Variants in COL5A1 observed in about 807,000 individuals in gnomAD.
COL5A1 encodes the protein collagen alpha-1(V) chain.
A neutral mutation model predicts 263.7 loss-of-function variants in COL5A1; 16 were observed. The observed-to-expected ratio is 0.06, with a 90% CI of 0.04 to 0.09. The LOEUF (loss-of-function observed/expected upper bound fraction) is 0.09, where lower values mean the gene tolerates loss of function less well. Ranked by LOEUF, COL5A1 falls within the 10% of genes least tolerant of loss-of-function variation. The pLI, the probability that COL5A1 is intolerant of heterozygous loss-of-function variation, is 1.00. For missense variants in COL5A1, 2,036 were observed against 2,540.5 expected, an observed-to-expected ratio of 0.80 and a Z score of 4.27; for synonymous variants, 1,012 against 1,004.5, an observed-to-expected ratio of 1.01 and a Z score of -0.14.
chr9:134,781,916 T>C (rs1471084308), intron 28 of COL5A1, among the ~76,000 whole-genome samples: 1 of 152,216 alleles, frequency 6.6e-6, no homozygotes, highest in Non-Finnish European at 1.5e-5. Context: ...CCCCAGATCC[T>C]GTCCTTTCAC....
At chr9:134,784,867 G>A (rs1837394968) in intron 29 of COL5A1, 122 bp from the exon 30 acceptor site, 2 of 785,946 alleles carry the variant, frequency 2.5e-6, no homozygotes, top group African/African-American at 1.7e-5. Flanking sequence ...CCGAGCTGGT[G>A]GAGCAGCTCT....
chr9:134,826,329 C>A (rs900602062), intron 63 of COL5A1, among the ~76,000 whole-genome samples: 12 of 152,200 alleles, frequency 7.9e-5, no homozygotes, highest in African/African-American at 2.9e-4. Context: ...TATTATCCAG[C>A]CTGTTTCTGT....
chr9:134,656,702 A>G (rs1278312191), intron 1 of COL5A1, among the ~76,000 whole-genome samples: 1 of 151,932 alleles, frequency 6.6e-6, no homozygotes, highest in Admixed American at 6.5e-5. Context: ...TTCTTATTAG[A>G]GATGGCTGTT....
At chr9:134,720,224 C>T (rs180747411) in intron 4 of COL5A1, among the ~76,000 whole-genome samples, 1 of 152,248 alleles carries the variant, frequency 6.6e-6, no homozygotes, top group Admixed American at 6.5e-5. Context: ...GCTGTGCGTG[C>T]GCGTTGTGAC....
At position 134,756,822 on chromosome 9, in the gene COL5A1, G is replaced by A. The variant is rs756160378; in HGVS notation, c.1881+4G>A. On this transcript the variant is annotated splice_donor_region_variant and intron_variant, in intron 17 of 65. Transcript: ENST00000371817. ...GCCTGGACAAACTGGCCCCAAGGTA[G>A]GTCACCCACCACCCTCCTGGTGCCC... 3.7e-6 allele frequency: 6 copies of A among 1,613,928 alleles called. No individual in the cohort carries two copies. In the Admixed American group the frequency reaches 1.0e-4, roughly 27 times the overall value.
Position 134,830,465 on chromosome 9 carries a change from C to T in COL5A1, c.5136+421C>T, listed in dbSNP as rs4842174. 0.24 allele frequency: 126,300 copies of T among 526,900 alleles called. 17,373 individuals carry two copies. The highest frequency in any genetic ancestry group is 0.46 in the East Asian group (14,378 of 31,060). The allele number at this position is 526,900 out of a possible 1,614,324, so 32.6% of individuals were successfully genotyped here. A position where few individuals can be genotyped will look rare whatever the true frequency, so the allele number is the denominator to read the frequency against. Reference sequence around the variant, plus strand: ...CCTGAGCTGATCCTCTGCCCACAGACGGTGCAGCCCCAGGCACCTGAGCAC... The same window carrying T: ...CCTGAGCTGATCCTCTGCCCACAGATGGTGCAGCCCCAGGCACCTGAGCAC... On this transcript the variant is annotated intron_variant, in intron 64 of 65. Transcript: ENST00000371817.
Position 134,757,880 on chromosome 9 carries a change from G to A in COL5A1, c.1882-363G>A, listed in dbSNP as rs1038496695. Among the ~76,000 whole-genome samples the A allele has an allele frequency of 2.6e-5, 4 of 152,130 alleles. No homozygotes were observed. Among genetic ancestry groups the A allele is most frequent in the Admixed American group, 2.0e-4 (3 of 15,278 alleles). On this transcript the variant is annotated intron_variant, in intron 17 of 65. Coordinates refer to ENST00000371817, the MANE Select transcript of COL5A1 (RefSeq NM_000093.5). The surrounding 1 kb of genome is among the most constrained non-coding windows in gnomAD (Gnocchi z 6.2). ...GGATACAGCTGTGAGCGGACACACC[G>A]GGACCCTGCTCTCCTGGAGCCTCCC...
rs529591111 is a variant in COL5A1, at chr9:134,682,647, G to T, written c.110-8265G>T. On this transcript the variant is annotated intron_variant, in intron 1 of 65. Transcript: ENST00000371817. The surrounding 1 kb of genome is among the most constrained non-coding windows in gnomAD (Gnocchi z 5.1). Reference sequence around the variant, plus strand: ...AGAACTGAGGGGCACTCCTTGACTGGAAAGTAACAGTGGGCACTGCTCCGG... The same window carrying T: ...AGAACTGAGGGGCACTCCTTGACTGTAAAGTAACAGTGGGCACTGCTCCGG... 1.1e-4 allele frequency among the ~76,000 whole-genome samples: 17 copies of T among 152,350 alleles called. 1 individual carries two copies. Among genetic ancestry groups the T allele is most frequent in the African/African-American group, 4.1e-4 (17 of 41,590 alleles).
chr9:134,751,870 C>T (rs73664127), intron 13 of COL5A1, among the ~76,000 whole-genome samples: 25,913 of 152,218 alleles, frequency 0.17, 2,392 homozygotes, highest in East Asian at 0.34. Context: ...TAGCAAACCC[C>T]ACTACCTGCC....
chr9:134,720,593 T>C (rs968795722), intron 4 of COL5A1, among the ~76,000 whole-genome samples: 20 of 152,150 alleles, frequency 1.3e-4, no homozygotes, highest in Non-Finnish European at 2.6e-4. Context: ...AGCCCTGGGT[T>C]GAGAAGGATT....
chr9:134,707,867 C>A (rs1405516941), intron 4 of COL5A1, among the ~76,000 whole-genome samples: 1 of 152,206 alleles, frequency 6.6e-6, no homozygotes, highest in Non-Finnish European at 1.5e-5. Flanking sequence ...GAAGCGCAAC[C>A]GTGAAGATGA....
chr9:134,697,003 G>A lies in COL5A1; in HGVS notation c.278-2906G>A, dbSNP rs572047572. Among the ~76,000 whole-genome samples, 52 of 151,984 alleles carry A rather than the reference G, an allele frequency of 3.4e-4. No individual in the cohort carries two copies. In the East Asian group the frequency reaches 8.0e-3, roughly 23 times the overall value. On this transcript the variant is annotated intron_variant, in intron 2 of 65. Transcript: ENST00000371817. Reference sequence around the variant, plus strand: ...GGAGAATGGCGTGAACCCGGGAGGCGGAGCTTGCAGTGAGCTGAGATCACG... The same window carrying A: ...GGAGAATGGCGTGAACCCGGGAGGCAGAGCTTGCAGTGAGCTGAGATCACG...
At chr9:134,760,910 C>T (rs1283109557) in intron 18 of COL5A1, among the ~76,000 whole-genome samples, 1 of 149,500 alleles carries the variant, frequency 6.7e-6, no homozygotes, top group East Asian at 2.0e-4. Context: ...TACACACATG[C>T]ACACACACAC....
At chr9:134,771,307 C>G (rs1836858227) in intron 25 of COL5A1, among the ~76,000 whole-genome samples, 1 of 152,242 alleles carries the variant, frequency 6.6e-6, no homozygotes, top group African/African-American at 2.4e-5. Flanking sequence ...CCTGGCCACC[C>G]TGGACCAGGA....
intron 9 of COL5A1, 181 bp downstream of exon 9, chr9:134,732,308 C>G (rs1196594526): frequency 1.4e-6 from 1 of 700,162 alleles, no homozygotes; most frequent in African/African-American, 1.7e-5. Context: ...TGTGAAGAAT[C>G]CCCTTGGGTA....
At position 134,758,721 on chromosome 9, in the gene COL5A1, T is replaced by A. The variant is rs1466778713; in HGVS notation, c.1935+425T>A. On this transcript the variant is annotated intron_variant, in intron 18 of 65. Coordinates refer to ENST00000371817, the MANE Select transcript of COL5A1 (RefSeq NM_000093.5). The surrounding 1 kb of genome is among the most constrained non-coding windows in gnomAD (Gnocchi z 4.1). ...CCAAGGGGGTGGGGACAATCTCAAGTGGCCATGTGGAGACCAGGTCACGAA... is the reference window on the plus strand; with the variant it reads ...CCAAGGGGGTGGGGACAATCTCAAGAGGCCATGTGGAGACCAGGTCACGAA... Among the ~76,000 whole-genome samples the A allele has an allele frequency of 6.6e-6, 1 of 152,134 alleles. No individual in the cohort carries two copies. The highest frequency in any genetic ancestry group is 1.5e-5 in the Non-Finnish European group (1 of 68,012).
At chr9:134,715,728 C>A (rs1187544870) in intron 4 of COL5A1, among the ~76,000 whole-genome samples, 1 of 152,178 alleles carries the variant, frequency 6.6e-6, no homozygotes, top group East Asian at 1.9e-4. Flanking sequence ...AACCTTGAGT[C>A]GACACAGCAC....
At chr9:134,796,495 T>C (rs1588559940) in intron 35 of COL5A1, 77 bp downstream of exon 35, 1 of 1,471,338 alleles carries the variant, frequency 6.8e-7, no homozygotes, top group Non-Finnish European at 9.5e-7. Flanking sequence ...TGTCCTGGGG[T>C]GGGCTGGGGC....
In COL5A1 at chr9:134,681,955, C is replaced by T. The variant is rs540834000; in HGVS notation, c.110-8957C>T. 2.7e-4 allele frequency among the ~76,000 whole-genome samples: 41 copies of T among 152,212 alleles called. No individual in the cohort carries two copies. Among genetic ancestry groups the T allele is most frequent in the Non-Finnish European group, 4.4e-4 (30 of 67,988 alleles). On this transcript the variant is annotated intron_variant, in intron 1 of 65. Transcript: ENST00000371817. The surrounding 1 kb of genome is among the most constrained non-coding windows in gnomAD (Gnocchi z 4.3). ...TCTCTCCCTCTCTCTCCCCATCTCT[C>T]CCTCCCTCTCTCTCTCTCTTGCTCT... is the stretch of plus-strand genomic sequence containing the variant.
Sources: gnomAD v4.1 joint callset for allele counts (sites outside exome capture counted in the v4.1 genomes callset) on GRCh38, gnomAD v4.1.1 for gene constraint, Gnocchi (gnomAD v3.1) non-coding constraint, MANE v1.5 for transcripts, NCBI Gene and HGNC (gene_info 2026-07-23, HGNC 2026-07-21) for gene names.